The following APBA1 variants were observed in gnomAD, a reference collection of about 807,000 sequenced individuals.
The protein encoded by APBA1 is amyloid-beta A4 precursor protein-binding family A member 1.
In APBA1, 55 loss-of-function variants were observed where a neutral mutation model predicts 86.6. The ratio of observed to expected loss-of-function variants is 0.64; its 90% CI spans 0.51 to 0.80. The LOEUF is 0.80. Among genes scored for constraint, APBA1 ranks in the 30% least tolerant of loss-of-function variants. The pLI is 0.00. For missense variants in APBA1, 1,090 were observed against 1,183.0 expected (o/e 0.92, Z 1.15); for synonymous variants, 511 against 493.9 (o/e 1.03, Z -0.46).
chr9:69,452,088 C>T (rs765285676), intron 9 of APBA1, 34 bp downstream of exon 9: 56 of 1,601,728 alleles, frequency 3.5e-5, no homozygotes, highest in Non-Finnish European at 3.4e-6. Flanking sequence ...CCCAGCTGAC[C>T]CAGCCTGGAG....
At chr9:69,448,602 T>C (rs1011009275) in intron 10 of APBA1, among the ~76,000 whole-genome samples, 1 of 150,890 alleles carries the variant, frequency 6.6e-6, no homozygotes, top group South Asian at 2.2e-4. Flanking sequence ...CCCCCTTAGC[T>C]GAGGAGGCTG....
At chr9:69,434,188 G>A (rs1041800445) in intron 11 of APBA1, among the ~76,000 whole-genome samples, 8 of 152,196 alleles carry the variant, frequency 5.3e-5, no homozygotes, top group African/African-American at 1.4e-4. Context: ...GCTGCTCTGC[G>A]GGACTCTGTG....
intron 1 of APBA1, among the ~76,000 whole-genome samples, chr9:69,623,783 C>G (rs190793792): frequency 6.6e-6 from 1 of 152,308 alleles, no homozygotes; most frequent in Admixed American, 6.5e-5. Context: ...CTGGAGAACA[C>G]AGTTGACACT....
chr9:69,498,661 G>A (rs768658607), intron 2 of APBA1, among the ~76,000 whole-genome samples: 3 of 152,104 alleles, frequency 2.0e-5, no homozygotes, highest in Non-Finnish European at 2.9e-5. Flanking sequence ...GTCTTGCACA[G>A]TGCGTGATCT....
At position 69,575,294 on chromosome 9, in the gene APBA1, T is replaced by C. The variant is rs1325378129; in HGVS notation, c.-69-58015A>G. On this transcript the variant is annotated intron_variant, in intron 1 of 12. Coordinates refer to ENST00000265381, the MANE Select transcript of APBA1 (RefSeq NM_001163.4). ...TGGCCATACTGCCCAAGGTAATTTA[T>C]AGATTCAATGCCATCCCCATCAAGC... Among the ~76,000 whole-genome samples, 56 of 152,264 alleles carry C rather than the reference T, an allele frequency of 3.7e-4. 1 individual carries two copies. Among genetic ancestry groups the C allele is most frequent in the Admixed American group, 3.5e-3 (53 of 15,294 alleles).
intron 1 of APBA1, among the ~76,000 whole-genome samples, chr9:69,524,799 C>T (rs145233780): frequency 2.2e-4 from 34 of 152,156 alleles, no homozygotes; most frequent in African/African-American, 7.9e-4. Flanking sequence ...AACTAGAGAC[C>T]AATATCCTTG....
intron 1 of APBA1, among the ~76,000 whole-genome samples, chr9:69,635,645 T>G (rs1823141975): frequency 6.6e-6 from 1 of 151,374 alleles, no homozygotes. Context: ...AATAAAGGAA[T>G]GGAAAAAGAT....
chr9:69,624,588 C>T (rs1796078620), intron 1 of APBA1, among the ~76,000 whole-genome samples: 1 of 152,198 alleles, frequency 6.6e-6, no homozygotes, highest in African/African-American at 2.4e-5. Flanking sequence ...TGGTTTCTCA[C>T]TCTCACCTGA....
chr9:69,515,885 A>T, intron 2 of APBA1, 126 bp downstream of exon 2: 1 of 1,060,092 alleles, frequency 9.4e-7, no homozygotes, highest in Non-Finnish European at 1.3e-6. Context: ...TTACGGTGGA[A>T]AAGTTCTTAG....
intron 1 of APBA1, among the ~76,000 whole-genome samples, chr9:69,632,675 C>T (rs1176872852): frequency 1.3e-5 from 2 of 152,168 alleles, no homozygotes; most frequent in African/African-American, 4.8e-5. Context: ...TTGGGGTTCT[C>T]ACTTCACACC....
chr9:69,576,900 TATAAA>T (rs1185437687), intron 1 of APBA1, among the ~76,000 whole-genome samples: 1 of 152,144 alleles, frequency 6.6e-6, no homozygotes, highest in Non-Finnish European at 1.5e-5. Flanking sequence ...TACTATAAAA[TATAAA>T]ATATTGTTTA....
chr9:69,630,038 T>C (rs999278054), intron 1 of APBA1, among the ~76,000 whole-genome samples: 3 of 145,582 alleles, frequency 2.1e-5, no homozygotes, highest in South Asian at 2.3e-4. Flanking sequence ...TTATATACCA[T>C]GTAAAAAAGG....
chr9:69,531,426 C>T (rs1836431996), intron 1 of APBA1, among the ~76,000 whole-genome samples: 1 of 152,204 alleles, frequency 6.6e-6, no homozygotes, highest in African/African-American at 2.4e-5. Flanking sequence ...ACTGCCTGGT[C>T]CTCAGTCTCC....
intron 1 of APBA1, among the ~76,000 whole-genome samples, chr9:69,627,576 C>T (rs1822958323): frequency 6.6e-6 from 1 of 152,112 alleles, no homozygotes; most frequent in Non-Finnish European, 1.5e-5. Flanking sequence ...AACGACTTTC[C>T]TGGGTGACAT....
At chr9:69,446,555 G>A (rs554146816) in intron 10 of APBA1, among the ~76,000 whole-genome samples, 1 of 152,220 alleles carries the variant, frequency 6.6e-6, no homozygotes, top group Non-Finnish European at 1.5e-5. Context: ...TGCAGACAGA[G>A]CTCCGTCTGT....
At chr9:69,558,216 T>C (rs1836891918) in intron 1 of APBA1, among the ~76,000 whole-genome samples, 1 of 152,174 alleles carries the variant, frequency 6.6e-6, no homozygotes, top group Non-Finnish European at 1.5e-5. Flanking sequence ...ATTTATCTTT[T>C]TCTACCCCTT....
chr9:69,622,578 T>C (rs1329836530), intron 1 of APBA1, among the ~76,000 whole-genome samples: 1 of 34,056 alleles, frequency 2.9e-5, no homozygotes, highest in Non-Finnish European at 9.5e-5. Flanking sequence ...GACCAAGTCA[T>C]AAGAAAAAAA....
At chr9:69,658,287 TCTC>T (rs1564104927) in intron 1 of APBA1, among the ~76,000 whole-genome samples, 1,196 of 65,436 alleles carry the variant, frequency 0.018, 35 homozygotes, top group African/African-American at 0.035. Context: ...TTTCTTTCTC[TCTC>T]TCTTTCTCTC....
intron 8 of APBA1, among the ~76,000 whole-genome samples, chr9:69,455,835 C>T (rs1025429034): frequency 1.6e-4 from 25 of 152,264 alleles, no homozygotes; most frequent in Admixed American, 1.1e-3. Context: ...CAAAGGGAAA[C>T]GCAGCTAGCC....
Sources: gnomAD v4.1 joint callset for allele counts (sites outside exome capture counted in the v4.1 genomes callset) on GRCh38, gnomAD v4.1.1 for gene constraint, MANE v1.5 for transcripts, NCBI Gene and HGNC (gene_info 2026-07-23, HGNC 2026-07-21) for gene names.